The following C1QTNF9 variants were observed in gnomAD, a reference collection of about 807,000 sequenced individuals.
The protein encoded by C1QTNF9 is C1q and TNF related 9.
A neutral mutation model predicts 10.1 loss-of-function variants in C1QTNF9; 6 were observed. That is an observed-to-expected ratio of 0.59 (90% CI 0.32 to 1.17). The LOEUF (loss-of-function observed/expected upper bound fraction) is 1.17, where lower values mean the gene tolerates loss of function less well. Ranked by LOEUF, C1QTNF9 falls within the 50% of genes most tolerant of loss-of-function variation. The pLI, the probability that C1QTNF9 is intolerant of heterozygous loss-of-function variation, is 0.04. For synonymous variants in C1QTNF9, 98 were observed against 163.5 expected, an observed-to-expected ratio of 0.60 and a Z score of 3.06; for missense variants, 201 against 418.8, an observed-to-expected ratio of 0.48 and a Z score of 4.54.
intron 1 of C1QTNF9, among the ~76,000 whole-genome samples, chr13:24,310,632 G>A (rs9511185): frequency 0.31 from 46,675 of 151,260 alleles, 7,458 homozygotes; most frequent in African/African-American, 0.39. Flanking sequence ...TGTTGAAGAA[G>A]GCTGGGCGCG....
At chr13:24,319,000 C>T in intron 3 of C1QTNF9, 120 bp downstream of exon 3, 1 of 1,382,630 alleles carries the variant, frequency 7.2e-7, no homozygotes, top group Non-Finnish European at 1.0e-6. Context: ...AGTTCTTACT[C>T]TCCAGACGGG....
chr13:24,310,459 A>C (rs1877772447), intron 1 of C1QTNF9, among the ~76,000 whole-genome samples: 1 of 151,124 alleles, frequency 6.6e-6, no homozygotes, highest in South Asian at 2.1e-4. Flanking sequence ...CCTATGATGG[A>C]TCTTTTTAAG....
chr13:24,312,792 T>G (rs1290729345), intron 1 of C1QTNF9, among the ~76,000 whole-genome samples: 1 of 151,542 alleles, frequency 6.6e-6, no homozygotes, highest in African/African-American at 2.4e-5. Context: ...CCGTCTCTAC[T>G]AAAATACAAA....
chr13:24,315,559 C>T (rs1397827780), intron 1 of C1QTNF9, among the ~76,000 whole-genome samples: 3 of 152,154 alleles, frequency 2.0e-5, no homozygotes, highest in Non-Finnish European at 4.4e-5. Context: ...AGTGGAATTG[C>T]TGGATCAGAT....
At chr13:24,320,503 G>T (rs1878211705) in intron 3 of C1QTNF9, among the ~76,000 whole-genome samples, 1 of 152,184 alleles carries the variant, frequency 6.6e-6, no homozygotes, top group Non-Finnish European at 1.5e-5. Flanking sequence ...TCCCACCTCA[G>T]CCTCCTGAGT....
upstream of C1QTNF9, chr13:24,307,305 A>G (rs969449247): frequency 2.6e-5 from 4 of 152,284 alleles, no homozygotes; most frequent in Non-Finnish European, 5.9e-5. Context: ...TGGTTGGAGT[A>G]AGAGGGATGC....
upstream of C1QTNF9, among the ~76,000 whole-genome samples, chr13:24,307,979 A>C (rs1198156378): frequency 1.3e-5 from 2 of 152,206 alleles, no homozygotes; most frequent in East Asian, 3.9e-4. Context: ...CACGGACCCC[A>C]GGCCCCGGCA....
chr13:24,308,623 C>G (rs1877692780), upstream of C1QTNF9, among the ~76,000 whole-genome samples: 1 of 152,202 alleles, frequency 6.6e-6, no homozygotes, highest in Non-Finnish European at 1.5e-5. Flanking sequence ...AGCCCCGCAC[C>G]CACCCGTACA....
chr13:24,313,909 T>C (rs562350212), intron 1 of C1QTNF9, among the ~76,000 whole-genome samples: 79 of 152,358 alleles, frequency 5.2e-4, no homozygotes, highest in African/African-American at 1.9e-3. Context: ...CAGCACAATG[T>C]ATATCATTTA....
chr13:24,316,158 A>T, exon 2 of C1QTNF9: 2 of 1,602,408 alleles, frequency 1.2e-6, no homozygotes, highest in Non-Finnish European at 1.7e-6. Flanking sequence ...AAGGGTGACA[A>T]AGGCGATGCA....
chr13:24,315,514 T>A (rs1228974117), intron 1 of C1QTNF9, among the ~76,000 whole-genome samples: 1 of 152,250 alleles, frequency 6.6e-6, no homozygotes, highest in Admixed American at 6.5e-5. Flanking sequence ...TCTGTTCCAG[T>A]CCTTGCTTTC....
chr13:24,310,246 C>T lies in C1QTNF9; in HGVS notation c.-23+630C>T, dbSNP rs1001894793. 3.7e-4 allele frequency among the ~76,000 whole-genome samples: 57 copies of T among 152,068 alleles called. 1 individual carries two copies. Among genetic ancestry groups the T allele is most frequent in the Middle Eastern group, 3.4e-3 (1 of 292 alleles). ...TCAGCTCACTGCAAGCTCCGCCTCC[C>T]GGGTTCACACCATTCTTCTGCCTCA... On this transcript the variant is annotated intron_variant, in intron 1 of 3. Transcript: ENST00000332018.
intron 2 of C1QTNF9, among the ~76,000 whole-genome samples, chr13:24,317,223 A>G (rs1878072797): frequency 6.6e-6 from 1 of 151,638 alleles, no homozygotes; most frequent in African/African-American, 2.4e-5. Flanking sequence ...TAATGAAATC[A>G]GGTCTTCTGC....
exon 2 of C1QTNF9, chr13:24,316,132 T>C (rs1378666276): frequency 1.2e-6 from 2 of 1,610,872 alleles, no homozygotes; most frequent in Non-Finnish European, 1.7e-6. Context: ...CTGGAAGAGA[T>C]GGACGAGACG....
At chr13:24,309,083 C>T (rs1478575185), upstream of C1QTNF9, among the ~76,000 whole-genome samples, 2 of 151,830 alleles carry the variant, frequency 1.3e-5, no homozygotes, top group African/African-American at 2.4e-5. Flanking sequence ...AAATGAGACC[C>T]AGCCACTTAA....
chr13:24,308,385 C>T (rs1316179647), upstream of C1QTNF9, among the ~76,000 whole-genome samples: 5 of 152,228 alleles, frequency 3.3e-5, no homozygotes, highest in Admixed American at 6.5e-5. Context: ...CTGCTGAGAG[C>T]CCCCAGCGGA....
At chr13:24,319,013 G>A (rs1310765329) in intron 3 of C1QTNF9, 133 bp downstream of exon 3, 4 of 1,263,826 alleles carry the variant, frequency 3.2e-6, no homozygotes, top group Middle Eastern at 1.9e-4. Context: ...CAGACGGGGG[G>A]ATTCTGCAGG....
chr13:24,313,501 G>A (rs1450835297), intron 1 of C1QTNF9, among the ~76,000 whole-genome samples: 2 of 152,198 alleles, frequency 1.3e-5, no homozygotes, highest in Non-Finnish European at 2.9e-5. Context: ...TCTGAGTTTA[G>A]CAAAGGAGGC....
In C1QTNF9 at chr13:24,316,182, C is replaced by T. The variant is rs201848203; in HGVS notation, c.166+13C>T. The T allele has an allele frequency of 8.4e-5, 130 of 1,555,068 alleles. 2 individuals are homozygous for T. The Middle Eastern group carries it at 2.9e-3, about 35-fold the overall frequency. The stretch of plus-strand genomic sequence containing the variant: ...AAAGGCGATGCAGGTACTCACCTGA[C>T]GGCTTCGGCTGCCTTTCAACTTCTC... On this transcript the variant is annotated intron_variant, in intron 2 of 3. Coordinates refer to ENST00000332018, the Ensembl canonical transcript of C1QTNF9.
Sources: gnomAD v4.1 joint callset for allele counts (sites outside exome capture counted in the v4.1 genomes callset) on GRCh38, gnomAD v4.1.1 for gene constraint, MANE v1.5 for transcripts, NCBI Gene and HGNC (gene_info 2026-07-23, HGNC 2026-07-21) for gene names.